Variants in RIPK4 observed in about 807,000 individuals in gnomAD.
The protein encoded by RIPK4 is receptor interacting serine/threonine kinase 4.
A neutral mutation model predicts 42.9 loss-of-function variants in RIPK4; 17 were observed. The observed-to-expected ratio is 0.40, with a 90% CI of 0.27 to 0.59. The LOEUF is 0.59. Among genes scored for constraint, RIPK4 ranks in the 20% least tolerant of loss-of-function variants. The pLI is 0.47. For synonymous variants in RIPK4, 498 were observed against 499.1 expected, an observed-to-expected ratio of 1.00 and a Z score of 0.03; for missense variants, 897 against 1,104.4, an observed-to-expected ratio of 0.81 and a Z score of 2.66.
chr21:41,746,900 TC>T, intron 4 of RIPK4, 129 bp from the exon 5 acceptor site: 2 of 1,026,772 alleles, frequency 1.9e-6, no homozygotes, highest in Non-Finnish European at 2.8e-6. Flanking sequence ...GGGAGACGGC[TC>T]CCCCACTCCG....
intron 1 of RIPK4, among the ~76,000 whole-genome samples, chr21:41,758,037 T>TAGAGAG (rs1475948469): frequency 2.1e-5 from 2 of 95,718 alleles, no homozygotes; most frequent in Non-Finnish European, 3.8e-5. Context: ...TATATATATA[T>TAGAGAG]ATATAGAGAG....
chr21:41,762,344 C>T (rs897490077), intron 1 of RIPK4, among the ~76,000 whole-genome samples: 2 of 152,202 alleles, frequency 1.3e-5, no homozygotes, highest in Admixed American at 1.3e-4. Context: ...CCCTTGCCTA[C>T]CAGCCTGGAT....
chr21:41,753,546 T>C lies in RIPK4; in HGVS notation c.475-2301A>G, dbSNP rs372592886. 7.2e-5 allele frequency among the ~76,000 whole-genome samples: 11 copies of C among 152,324 alleles called. No homozygotes were observed. The East Asian group carries it at 1.5e-3, about 21-fold the overall frequency. On this transcript the variant is annotated intron_variant, in intron 2 of 7. Coordinates refer to ENST00000332512, the MANE Select transcript of RIPK4 (RefSeq NM_020639.3). ...TGGCCGGCTGCATTTCCCCTCCGCCTTTCCTCATCTTCCCACCCAAGCTGC... is the reference window on the plus strand; with the variant it reads ...TGGCCGGCTGCATTTCCCCTCCGCCCTTCCTCATCTTCCCACCCAAGCTGC...
At chr21:41,756,840 G>A (rs1205365605) in intron 1 of RIPK4, 24 bp from the exon 2 acceptor site, 1 of 1,603,142 alleles carries the variant, frequency 6.2e-7, no homozygotes, top group South Asian at 1.1e-5. Flanking sequence ...AAGGCATGAA[G>A]AATACGCAAT....
Position 41,742,284 on chromosome 21 carries a change from A to C in RIPK4, c.1196-287T>G, listed in dbSNP as rs1393380822. Among the ~76,000 whole-genome samples, 1 of 152,240 alleles carries C rather than the reference A, an allele frequency of 6.6e-6. No individual in the cohort carries two copies. Among genetic ancestry groups the C allele is most frequent in the Non-Finnish European group, 1.5e-5 (1 of 68,036 alleles). On this transcript the variant is annotated intron_variant, in intron 7 of 7. Transcript: ENST00000332512. This position sits in a 1 kb window ranked among gnomAD's most constrained non-coding sequence, Gnocchi z 5.1. ...GGTGGTGAGCCCCCTTGGTGCTTAG[A>C]GATGGCAGTGACTGCAAACATCCCT...
chr21:41,763,603 G>A (rs971586518), intron 1 of RIPK4, among the ~76,000 whole-genome samples: 3 of 152,198 alleles, frequency 2.0e-5, no homozygotes, highest in Non-Finnish European at 4.4e-5. Flanking sequence ...AAATGCAGCC[G>A]GAAAATGTGT....
chr21:41,742,670 C>T lies in RIPK4; in HGVS notation c.1196-673G>A, dbSNP rs1202981652. On this transcript the variant is annotated intron_variant, in intron 7 of 7. Transcript: ENST00000332512. The surrounding 1 kb of genome is among the most constrained non-coding windows in gnomAD (Gnocchi z 5.1). ...GACTCTCCTCCGCCCTCATGTGAAA[C>T]GCGTGGGGACTTGGAAGTCGGCGGT... Among the ~76,000 whole-genome samples the T allele has an allele frequency of 2.6e-5, 4 of 152,192 alleles. No homozygotes were observed. The highest frequency in any genetic ancestry group is 2.9e-5 in the Non-Finnish European group (2 of 68,028).
Position 41,741,786 on chromosome 21 carries a change from A to T in RIPK4, c.1407T>A (p.Arg469=). Reference sequence around the variant, plus strand: ...CCATGTGCAACGGGGTGGAGCCCCTACGGTTGCTCAGGTTGGGGTTGGCAT... The same window carrying T: ...CCATGTGCAACGGGGTGGAGCCCCTTCGGTTGCTCAGGTTGGGGTTGGCAT... ...LNNANPNLSN[R]RGSTPLHMAV... is the part of the protein sequence containing the mutation. The change falls in exon 8 of 8, where the codon CGT becomes CGA. Residue 469 remains arginine, a synonymous_variant. Transcript: ENST00000332512. 6.2e-7 allele frequency: 1 copy of T among 1,611,300 alleles called. No homozygotes were observed. Among genetic ancestry groups the T allele is most frequent in the Non-Finnish European group, 8.5e-7 (1 of 1,179,996 alleles).
At chr21:41,766,839 C>T (rs868451065) in intron 1 of RIPK4, 21 bp downstream of exon 1, 10 of 1,597,086 alleles carry the variant, frequency 6.3e-6, no homozygotes, top group Admixed American at 3.4e-5. Flanking sequence ...GCCGCCCCAG[C>T]GCCCCGCCCG....
At chr21:41,766,798 C>A (rs1256376722) in intron 1 of RIPK4, 62 bp downstream of exon 1, 2 of 1,515,538 alleles carry the variant, frequency 1.3e-6, no homozygotes, top group Non-Finnish European at 1.8e-6. Flanking sequence ...GGGACCAGAG[C>A]ACCCCGACCC....
At chr21:41,758,577 A>C (rs1362592578) in intron 1 of RIPK4, among the ~76,000 whole-genome samples, 2 of 152,242 alleles carry the variant, frequency 1.3e-5, no homozygotes, top group Non-Finnish European at 2.9e-5. Flanking sequence ...ACCTAGGAGC[A>C]GAATTGCTTG....
intron 1 of RIPK4, among the ~76,000 whole-genome samples, chr21:41,758,649 C>A (rs1232249898): frequency 6.6e-6 from 1 of 152,226 alleles, no homozygotes; most frequent in African/African-American, 2.4e-5. Flanking sequence ...CGTGCCACCA[C>A]CTTGTTTGTA....
At chr21:41,765,047 C>T (rs1348764727) in intron 1 of RIPK4, among the ~76,000 whole-genome samples, 1 of 152,224 alleles carries the variant, frequency 6.6e-6, no homozygotes, top group African/African-American at 2.4e-5. Flanking sequence ...AGCCTCCCTC[C>T]AACCAGGCCA....
intron 1 of RIPK4, among the ~76,000 whole-genome samples, chr21:41,762,062 C>A (rs2061222021): frequency 6.6e-6 from 1 of 152,220 alleles, no homozygotes; most frequent in East Asian, 1.9e-4. Flanking sequence ...CGGATCCCGG[C>A]TAGAATCTCC....
rs747455747 is a variant in RIPK4 at position 41,741,393 on chromosome 21, C to G, written c.1800G>C (p.Gln600His). Reference sequence around the variant, plus strand: ...GCAATGGCGTCCTCCCATCCAGCGTCTGGGCGTTCACACTCACCCCCGGCT... The same window carrying G: ...GCAATGGCGTCCTCCCATCCAGCGTGTGGGCGTTCACACTCACCCCCGGCT... ...AKQPGVSVNA[Q>H]TLDGRTPLHL... The change falls in exon 8 of 8, where the codon CAG becomes CAC. Residue 600 changes from glutamine to histidine, a missense_variant. Coordinates refer to ENST00000332512, the MANE Select transcript of RIPK4 (RefSeq NM_020639.3). The G allele has an allele frequency of 1.2e-6, 2 of 1,612,690 alleles. No homozygotes were observed. The highest frequency in any genetic ancestry group is 3.3e-5 in the Admixed American group (2 of 60,030).
chr21:41,748,580 G>A (rs145718391), intron 4 of RIPK4, among the ~76,000 whole-genome samples: 11 of 152,230 alleles, frequency 7.2e-5, no homozygotes, highest in African/African-American at 1.9e-4. Flanking sequence ...GGTTGGCTGC[G>A]CAAGCACGCG....
chr21:41,762,520 G>T (rs997220421), intron 1 of RIPK4, among the ~76,000 whole-genome samples: 2 of 152,322 alleles, frequency 1.3e-5, no homozygotes, highest in East Asian at 3.9e-4. Flanking sequence ...CAGCCCTTCT[G>T]GGGTCGGGTG....
At chr21:41,746,158 A>G (rs750601109) in intron 5 of RIPK4, 62 of 663,144 alleles carry the variant, frequency 9.3e-5, no homozygotes, top group Non-Finnish European at 1.6e-4. Context: ...TGAGCTCCCC[A>G]TTCAGCCCGT....
At chr21:41,746,883 C>T (rs1259208496) in intron 4 of RIPK4, 112 bp from the exon 5 acceptor site, 13 of 1,241,338 alleles carry the variant, frequency 1.0e-5, no homozygotes, top group East Asian at 2.4e-5. Context: ...ATCCCCACAC[C>T]ACCCCAGGGA....
Sources: allele counts gnomAD v4.1 joint callset (sites outside exome capture counted in the v4.1 genomes callset), GRCh38; gene constraint gnomAD v4.1.1; non-coding constraint Gnocchi (gnomAD v3.1); transcripts MANE v1.5; gene names NCBI Gene and HGNC (gene_info 2026-07-23, HGNC 2026-07-21).